The following CFAP221 variants were observed in gnomAD, a reference collection of about 807,000 sequenced individuals.
The protein encoded by CFAP221 is cilia- and flagella-associated protein 221.
CFAP221 carries 97 observed loss-of-function variants against 113.1 expected under a neutral mutation model. The observed-to-expected ratio is 0.86, with a 90% CI of 0.73 to 1.02. The LOEUF (loss-of-function observed/expected upper bound fraction) is 1.02. Ranked by LOEUF, CFAP221 falls within the 50% of genes least tolerant of loss-of-function variation. The pLI is 0.00. For synonymous variants in CFAP221, 331 were observed against 354.4 expected, an observed-to-expected ratio of 0.93 and a Z score of 0.74; for missense variants, 1,025 against 1,013.4, an observed-to-expected ratio of 1.01 and a Z score of -0.16.
intron 12 of CFAP221, 75 bp downstream of exon 12, chr2:119,608,664 G>A: frequency 7.8e-7 from 1 of 1,281,000 alleles, no homozygotes; most frequent in Non-Finnish European, 1.1e-6. Context: ...CAAGATGCCA[G>A]GTGGAGGAAA....
At chr2:119,593,815 G>A (rs1274774318) in intron 7 of CFAP221, among the ~76,000 whole-genome samples, 1 of 151,840 alleles carries the variant, frequency 6.6e-6, no homozygotes, top group Non-Finnish European at 1.5e-5. Context: ...TCCTGCCTGG[G>A]CAACAGAGCG....
intron 6 of CFAP221, chr2:119,573,017 C>G (rs544765103): frequency 1.3e-5 from 2 of 159,300 alleles, no homozygotes; most frequent in South Asian, 3.9e-4. Flanking sequence ...TGGGAACAAC[C>G]AAGGTCAGAA....
At chr2:119,565,579 C>G (rs1022051324) in intron 6 of CFAP221, among the ~76,000 whole-genome samples, 2 of 152,140 alleles carry the variant, frequency 1.3e-5, no homozygotes, top group East Asian at 1.9e-4. Flanking sequence ...GTATATAACA[C>G]CATTCATTTG....
intron 7 of CFAP221, 104 bp downstream of exon 7, chr2:119,587,326 T>A: frequency 1.5e-6 from 1 of 678,948 alleles, no homozygotes; most frequent in Non-Finnish European, 2.2e-6. Context: ...ATAACTGACC[T>A]GATGTAAAAT....
Position 119,625,570 on chromosome 2 carries a change from A to G in CFAP221, c.1411-13A>G. The stretch of plus-strand genomic sequence containing the variant: ...GATTAATAATTTGAAATCATTATCC[A>G]CTCCAATTTCAGGTCATGATTCAGG... On this transcript the variant is annotated splice_polypyrimidine_tract_variant and intron_variant, in intron 14 of 23. Transcript: ENST00000413369. 4 of 1,591,126 alleles carry G rather than the reference A, an allele frequency of 2.5e-6. No homozygotes were observed. The highest frequency in any genetic ancestry group is 3.4e-6 in the Non-Finnish European group (4 of 1,159,850).
In CFAP221 at chr2:119,625,599, G is replaced by T; in HGVS notation, c.1427G>T (p.Arg476Leu). ...QVARKVMIQG[R>L]LFNMLSAVRE... Reference sequence around the variant, plus strand: ...CAATTTCAGGTCATGATTCAGGGACGATTATTCAATATGCTGAGTGCTGTT... The same window carrying T: ...CAATTTCAGGTCATGATTCAGGGACTATTATTCAATATGCTGAGTGCTGTT... The change falls in exon 15 of 24, where the codon CGA becomes CTA. Residue 476 changes from arginine (R) to leucine (L), a missense_variant. Transcript: ENST00000413369. 6.2e-7 allele frequency: 1 copy of T among 1,612,920 alleles called. No homozygotes were observed. The highest frequency in any genetic ancestry group is 8.5e-7 in the Non-Finnish European group (1 of 1,178,970).
chr2:119,643,873 C>T (rs1013267851), intron 21 of CFAP221, among the ~76,000 whole-genome samples: 1 of 151,978 alleles, frequency 6.6e-6, no homozygotes. Flanking sequence ...AAAGCAACAG[C>T]CAGAAACATT....
intron 3 of CFAP221, among the ~76,000 whole-genome samples, chr2:119,554,731 A>G (rs965558601): frequency 1.2e-4 from 18 of 152,154 alleles, no homozygotes; most frequent in African/African-American, 3.1e-4. Flanking sequence ...TAGAGCATCA[A>G]TTTTACTCTT....
At chr2:119,659,024 G>C (rs1157734188), downstream of CFAP221, among the ~76,000 whole-genome samples, 1 of 141,354 alleles carries the variant, frequency 7.1e-6, no homozygotes, top group Non-Finnish European at 1.5e-5. Flanking sequence ...AAAAAAAAAC[G>C]CATTGATACT....
At chr2:119,614,338 G>C (rs1048267665) in intron 13 of CFAP221, among the ~76,000 whole-genome samples, 1 of 152,084 alleles carries the variant, frequency 6.6e-6, no homozygotes, top group Non-Finnish European at 1.5e-5. Context: ...TATTTTTATA[G>C]TAGCACCCCA....
intron 6 of CFAP221, among the ~76,000 whole-genome samples, chr2:119,569,584 AT>A (rs947163827): frequency 1.3e-5 from 2 of 151,132 alleles, no homozygotes; most frequent in Non-Finnish European, 3.0e-5. Flanking sequence ...TATTTCTTCT[AT>A]TTTTTTTCTT....
rs1039292128 is a variant in CFAP221, at chr2:119,601,265, C to A, written c.679C>A (p.Pro227Thr). The A allele has an allele frequency of 1.3e-6, 2 of 1,534,998 alleles. No homozygotes were observed. The highest frequency in any genetic ancestry group is 1.4e-5 in the African/African-American group (1 of 73,022). Reference protein sequence around the residue: ...GKMTVTIKFTPFQYGTAQIKM... With the variant: ...GKMTVTIKFTTFQYGTAQIKM... ...GATGACTGTGACTATTAAGTTTACA[C>A]CCTTTCAGTATGGGACTGCACAAAT... Residue 227 changes from proline (P) to threonine (T), a missense_variant, in exon 8 of 24, where the codon CCC becomes ACC. Transcript: ENST00000413369.
intron 19 of CFAP221, chr2:119,631,225 A>T: frequency 2.2e-6 from 1 of 451,856 alleles, no homozygotes; most frequent in Non-Finnish European, 3.0e-6. Flanking sequence ...ACAAACAAAA[A>T]ATCTGTGGGA....
chr2:119,596,391 A>G (rs1041820451), intron 7 of CFAP221, among the ~76,000 whole-genome samples: 1 of 152,176 alleles, frequency 6.6e-6, no homozygotes, highest in Admixed American at 6.5e-5. Context: ...TTAGGCACCA[A>G]TGCCTGTGTG....
intron 3 of CFAP221, 74 bp from the exon 4 acceptor site, chr2:119,559,615 G>A (rs1681075305): frequency 9.7e-6 from 12 of 1,241,378 alleles, no homozygotes; most frequent in Middle Eastern, 1.8e-4. Context: ...AGGAACAGAT[G>A]AAGTCTACAT....
chr2:119,574,702 A>T (rs554328062), intron 6 of CFAP221, among the ~76,000 whole-genome samples: 7 of 152,156 alleles, frequency 4.6e-5, no homozygotes, highest in African/African-American at 1.7e-4. Flanking sequence ...ACACACATGC[A>T]TGCACACACA....
At chr2:119,587,657 T>A (rs937839004) in intron 7 of CFAP221, among the ~76,000 whole-genome samples, 2 of 152,162 alleles carry the variant, frequency 1.3e-5, no homozygotes, top group African/African-American at 4.8e-5. Context: ...CTAAGGACAT[T>A]TGAAAGTGAG....
chr2:119,602,575 C>G (rs1269608120), intron 8 of CFAP221: 1 of 961,462 alleles, frequency 1.0e-6, no homozygotes, highest in Non-Finnish European at 1.2e-6. Flanking sequence ...TCCATGATAT[C>G]TTAGATATTT....
At chr2:119,629,555 G>A (rs941325349) in intron 16 of CFAP221, among the ~76,000 whole-genome samples, 5 of 152,126 alleles carry the variant, frequency 3.3e-5, no homozygotes, top group Non-Finnish European at 7.3e-5. Context: ...CCCAAGAGGT[G>A]TTTCTATCCC....
Sources: allele counts gnomAD v4.1 joint callset (sites outside exome capture counted in the v4.1 genomes callset), GRCh38; gene constraint gnomAD v4.1.1; transcripts MANE v1.5; gene names NCBI Gene and HGNC (gene_info 2026-07-23, HGNC 2026-07-21).